The following HIVEP3 variants were observed in gnomAD, a reference collection of about 807,000 sequenced individuals.
The protein encoded by HIVEP3 is HIVEP zinc finger 3.
In HIVEP3, 49 loss-of-function variants were observed where a neutral mutation model predicts 152.8. The observed-to-expected ratio is 0.32, with a 90% CI of 0.26 to 0.41. The LOEUF (loss-of-function observed/expected upper bound fraction) is 0.41, where lower values mean the gene tolerates loss of function less well. Among genes scored for constraint, HIVEP3 ranks in the 10% least tolerant of loss-of-function variants. HIVEP3 has a pLI of 1.00. For synonymous variants in HIVEP3, 1,269 were observed against 1,289.0 expected (o/e 0.98, Z 0.33); for missense variants, 2,790 against 3,103.3 (o/e 0.90, Z 2.40).
At chr1:41,782,279 A>C (rs1261154493) in intron 1 of HIVEP3, among the ~76,000 whole-genome samples, 1 of 152,214 alleles carries the variant, frequency 6.6e-6, no homozygotes, top group Non-Finnish European at 1.5e-5. Flanking sequence ...AGAGACAGAG[A>C]GCAGAATGGT....
At chr1:41,979,468 G>T (rs1242247795) in intron 1 of HIVEP3, among the ~76,000 whole-genome samples, 1 of 152,186 alleles carries the variant, frequency 6.6e-6, no homozygotes, top group African/African-American at 2.4e-5. Context: ...TAAGTAATGG[G>T]ATCTGGACTC....
At chr1:42,031,805 T>A (rs10437089) in intron 1 of HIVEP3, among the ~76,000 whole-genome samples, 2,466 of 152,322 alleles carry the variant, frequency 0.016, 63 homozygotes, top group African/African-American at 0.057. Context: ...GTAAATGTTG[T>A]ATCCTAAGCC....
intron 1 of HIVEP3, among the ~76,000 whole-genome samples, chr1:41,925,543 GT>G (rs1184400562): frequency 1.3e-5 from 2 of 152,156 alleles, no homozygotes; most frequent in Non-Finnish European, 2.9e-5. Flanking sequence ...AAGAGGAAGA[GT>G]TGGTCTTGGT....
At chr1:41,799,060 C>T (rs1052171476) in intron 1 of HIVEP3, among the ~76,000 whole-genome samples, 1 of 152,190 alleles carries the variant, frequency 6.6e-6, no homozygotes, top group African/African-American at 2.4e-5. Flanking sequence ...CTTCTCAGAA[C>T]CTTTAATATC....
intron 2 of HIVEP3, among the ~76,000 whole-genome samples, chr1:41,634,008 C>T (rs1376880978): frequency 6.6e-6 from 1 of 152,046 alleles, no homozygotes; most frequent in Non-Finnish European, 1.5e-5. Context: ...CAGGGCAGAC[C>T]TCCGAGCTTG....
chr1:41,672,985 A>G (rs1024112033), intron 2 of HIVEP3, among the ~76,000 whole-genome samples: 5 of 152,246 alleles, frequency 3.3e-5, no homozygotes, highest in Non-Finnish European at 7.3e-5. Flanking sequence ...AAGGAAATGT[A>G]CCGGGAATAT....
At chr1:41,633,281 C>A (rs1356312512) in intron 2 of HIVEP3, among the ~76,000 whole-genome samples, 1 of 152,110 alleles carries the variant, frequency 6.6e-6, no homozygotes, top group African/African-American at 2.4e-5. Flanking sequence ...CCAGAAAGTC[C>A]GAGGGAAAAC....
chr1:41,737,362 A>G (rs1200679218), intron 1 of HIVEP3, among the ~76,000 whole-genome samples: 3 of 152,164 alleles, frequency 2.0e-5, no homozygotes, highest in African/African-American at 7.2e-5. Context: ...CAACCCCTGC[A>G]GTCCCATTTT....
chr1:41,749,030 A>G (rs1302414154), intron 1 of HIVEP3, among the ~76,000 whole-genome samples: 1 of 152,196 alleles, frequency 6.6e-6, no homozygotes, highest in Non-Finnish European at 1.5e-5. Flanking sequence ...ATCTGCCCCC[A>G]GTCAATATAC....
At chr1:41,706,607 G>A (rs1646437460) in intron 1 of HIVEP3, among the ~76,000 whole-genome samples, 1 of 152,206 alleles carries the variant, frequency 6.6e-6, no homozygotes, top group South Asian at 2.1e-4. Flanking sequence ...TAAAAAGAGA[G>A]ATAACTAGCT....
At chr1:41,857,308 T>C (rs1040137104) in intron 1 of HIVEP3, among the ~76,000 whole-genome samples, 3 of 152,162 alleles carry the variant, frequency 2.0e-5, no homozygotes, top group East Asian at 1.9e-4. Context: ...CAAGAGTTAT[T>C]TGTACTACAG....
intron 2 of HIVEP3, among the ~76,000 whole-genome samples, chr1:41,644,051 T>C (rs1206581774): frequency 1.3e-5 from 2 of 152,010 alleles, no homozygotes; most frequent in African/African-American, 4.8e-5. Context: ...CACACCCAGC[T>C]AATTTTTTTA....
intron 1 of HIVEP3, among the ~76,000 whole-genome samples, chr1:41,949,490 G>A (rs529907679): frequency 2.6e-5 from 4 of 152,226 alleles, no homozygotes; most frequent in Admixed American, 2.0e-4. Flanking sequence ...CAAAAGAGGG[G>A]GAACCTGTTT....
At chr1:41,941,352 G>A (rs146700456) in intron 1 of HIVEP3, among the ~76,000 whole-genome samples, 44 of 152,294 alleles carry the variant, frequency 2.9e-4, no homozygotes, top group Non-Finnish European at 4.7e-4. Context: ...CCAAGGAGCC[G>A]ATCCTAGAGA....
At chr1:41,947,260 C>A (rs748896452) in intron 1 of HIVEP3, among the ~76,000 whole-genome samples, 15 of 152,198 alleles carry the variant, frequency 9.9e-5, no homozygotes, top group Non-Finnish European at 1.6e-4. Context: ...CGTTCAGAAA[C>A]CTTGTGCCAT....
chr1:41,571,937 G>T (rs888325850), intron 5 of HIVEP3, among the ~76,000 whole-genome samples: 5 of 152,174 alleles, frequency 3.3e-5, no homozygotes, highest in Non-Finnish European at 2.9e-5. Context: ...AGATAGGGTG[G>T]CCAGAGCAGT....
chr1:42,022,665 C>A (rs886099340), intron 1 of HIVEP3, among the ~76,000 whole-genome samples: 1 of 152,154 alleles, frequency 6.6e-6, no homozygotes, highest in African/African-American at 2.4e-5. Context: ...TATTTTTAAA[C>A]AATTGTCTGG....
At chr1:41,936,645 C>T (rs1200371464) in intron 1 of HIVEP3, among the ~76,000 whole-genome samples, 2 of 152,208 alleles carry the variant, frequency 1.3e-5, no homozygotes, top group Non-Finnish European at 2.9e-5. Context: ...TGGAATGCCT[C>T]ATTTCCTGAT....
At chr1:41,860,412 CT>C (rs1303579071) in intron 1 of HIVEP3, among the ~76,000 whole-genome samples, 2 of 152,174 alleles carry the variant, frequency 1.3e-5, no homozygotes, top group Non-Finnish European at 2.9e-5. Context: ...TTTTTCCCTG[CT>C]TTGCATTTGG....
Sources: allele counts gnomAD v4.1 joint callset (sites outside exome capture counted in the v4.1 genomes callset), GRCh38; gene constraint gnomAD v4.1.1; transcripts MANE v1.5; gene names NCBI Gene and HGNC (gene_info 2026-07-23, HGNC 2026-07-21).